CAMKK1: variants seen among roughly 807,000 people sequenced by gnomAD.
CAMKK1 encodes calcium/calmodulin dependent protein kinase kinase 1, also known as calcium/calmodulin-dependent protein kinase kinase 1.
CAMKK1 carries 20 observed loss-of-function variants against 63.5 expected under a neutral mutation model. The ratio of observed to expected loss-of-function variants is 0.32; its 90% CI spans 0.22 to 0.46. The LOEUF (loss-of-function observed/expected upper bound fraction) is 0.46, where lower values mean the gene tolerates loss of function less well. Among genes scored for constraint, CAMKK1 ranks in the 20% least tolerant of loss-of-function variants. The pLI, the probability that CAMKK1 is intolerant of heterozygous loss-of-function variation, is 1.00. For missense variants in CAMKK1, 588 were observed against 658.1 expected, an observed-to-expected ratio of 0.89 and a Z score of 1.17; for synonymous variants, 253 against 269.0, an observed-to-expected ratio of 0.94 and a Z score of 0.58.
intron 15 of CAMKK1, among the ~76,000 whole-genome samples, chr17:3,864,117 TA>T (rs1227887090): frequency 6.7e-6 from 1 of 150,084 alleles, no homozygotes; most frequent in Non-Finnish European, 1.5e-5. Context: ...CACGCCCGGC[TA>T]ATTTTTTTTT....
At position 3,890,645 on chromosome 17, in the gene CAMKK1, C is replaced by T. The variant is rs376103556; in HGVS notation, c.-44+2294G>A. 200 of 779,590 alleles carry T rather than the reference C, an allele frequency of 2.6e-4. No individual in the cohort carries two copies. Among genetic ancestry groups the T allele is most frequent in the Middle Eastern group, 1.8e-3 (8 of 4,462 alleles). 48.3% of individuals were successfully genotyped at this position (779,590 alleles called of 1,614,324 possible). ...CAATCCGGGAGCCCTCCTTGTCACT[C>T]GTCCTTTCCCTGTTGCCCACCCTTG... On this transcript the variant is annotated intron_variant, in intron 1 of 15. Transcript: ENST00000348335. The surrounding 1 kb of genome is among the most constrained non-coding windows in gnomAD (Gnocchi z 6.5).
At chr17:3,871,800 C>T (rs1028466635) in intron 12 of CAMKK1, among the ~76,000 whole-genome samples, 1 of 151,884 alleles carries the variant, frequency 6.6e-6, no homozygotes, top group Non-Finnish European at 1.5e-5. Context: ...TGTGCGCCAC[C>T]ACGCCTGGCT....
Position 3,885,440 on chromosome 17 carries a change from T to C in CAMKK1, c.248A>G (p.Tyr83Cys), listed in dbSNP as rs1247479137. The C allele has an allele frequency of 9.3e-6, 15 of 1,613,214 alleles. 1 individual carries two copies. In the South Asian group the frequency reaches 1.4e-4, roughly 15 times the overall value. Residue 83 changes from tyrosine (Y) to cysteine (C), a missense_variant, in exon 2 of 16, where the codon TAT (tyrosine) becomes TGT (cysteine). Around this residue, in one of 3 missense-constraint regions of CAMKK1, gnomAD observed 357 missense variants for 407.4 expected, o/e 0.88. Coordinates refer to ENST00000348335, the MANE Select transcript of CAMKK1 (RefSeq NM_032294.3). ...ATAAGGCCCAGCCTGCGCCTCCAGATAGCTTCCTGCTGGCCGCTCCTGTAG... is the reference window on the plus strand; with the variant it reads ...ATAAGGCCCAGCCTGCGCCTCCAGACAGCTTCCTGCTGGCCGCTCCTGTAG... ...LSLQERPAGS[Y>C]LEAQAGPYAT...
chr17:3,888,648 G>C (rs1033579851), intron 1 of CAMKK1, among the ~76,000 whole-genome samples: 1 of 152,246 alleles, frequency 6.6e-6, no homozygotes, highest in Admixed American at 6.5e-5. Context: ...TGTTGTGATT[G>C]CTCGGGACAC....
intron 2 of CAMKK1, 141 bp downstream of exon 2, chr17:3,885,187 T>G: frequency 9.9e-7 from 1 of 1,007,398 alleles, no homozygotes; most frequent in South Asian, 2.0e-5. Context: ...AGAAGCTATA[T>G]TGTTAGGTAG....
chr17:3,878,555 T>C (rs2055269404), intron 9 of CAMKK1, among the ~76,000 whole-genome samples: 1 of 152,176 alleles, frequency 6.6e-6, no homozygotes, highest in Non-Finnish European at 1.5e-5. Flanking sequence ...CCCATGCCTC[T>C]AGGCCCTTGG....
At chr17:3,881,767 G>C (rs2055420126) in intron 7 of CAMKK1, 119 bp from the exon 8 acceptor site, 2 of 880,476 alleles carry the variant, frequency 2.3e-6, no homozygotes, top group Non-Finnish European at 3.7e-6. Context: ...TCGAGGCAGG[G>C]ACAGGACAGG....
Position 3,890,690 on chromosome 17 carries a change from T to TA in CAMKK1, c.-44+2248dup. ...CCCTTGCTCCCCACAACCCCACACT[T>TA]ACTCTCCACTGCAGCCACACCACAG... is the stretch of plus-strand genomic sequence containing the variant. On this transcript the variant is annotated intron_variant, in intron 1 of 15. Coordinates refer to ENST00000348335, the MANE Select transcript of CAMKK1 (RefSeq NM_032294.3). The surrounding 1 kb of genome is among the most constrained non-coding windows in gnomAD (Gnocchi z 6.5). 1.3e-6 allele frequency: 1 copy of TA among 779,672 alleles called. No homozygotes were observed. Among genetic ancestry groups the TA allele is most frequent in the African/African-American group, 1.7e-5 (1 of 59,204 alleles). The allele number at this position is 779,672 out of a possible 1,614,324, so 48.3% of individuals were successfully genotyped here. A position where few individuals can be genotyped will look rare whatever the true frequency, so the allele number is the denominator to read the frequency against.
At chr17:3,880,201 A>G in intron 9 of CAMKK1, 145 bp downstream of exon 9, 1 of 612,804 alleles carries the variant, frequency 1.6e-6, no homozygotes, top group South Asian at 1.8e-5. Flanking sequence ...TGGCCCCGCC[A>G]CACGTGCATG....
At chr17:3,871,505 C>G (rs1401862648) in intron 12 of CAMKK1, among the ~76,000 whole-genome samples, 2 of 150,466 alleles carry the variant, frequency 1.3e-5, no homozygotes, top group African/African-American at 4.9e-5. Flanking sequence ...CAGGCACCCG[C>G]CACCACGCCC....
intron 14 of CAMKK1, among the ~76,000 whole-genome samples, chr17:3,868,071 A>C (rs62070445): frequency 0.41 from 3,644 of 8,886 alleles, 574 homozygotes; most frequent in Middle Eastern, 0.5. Flanking sequence ...AAGCAGGCGC[A>C]GTCTAACTGA....
chr17:3,866,628 G>A (rs1004545228), intron 14 of CAMKK1, among the ~76,000 whole-genome samples: 2 of 152,148 alleles, frequency 1.3e-5, no homozygotes, highest in Non-Finnish European at 2.9e-5. Context: ...CATCCATCCC[G>A]TCAACACTGG....
chr17:3,866,123 C>G, intron 14 of CAMKK1, 112 bp from the exon 15 acceptor site: 1 of 1,249,970 alleles, frequency 8.0e-7, no homozygotes, highest in Non-Finnish European at 1.1e-6. Flanking sequence ...CGGGTCCCAT[C>G]TCAATCAGCA....
chr17:3,868,073 T>A (rs1253979066), intron 14 of CAMKK1, among the ~76,000 whole-genome samples: 2 of 75,706 alleles, frequency 2.6e-5, no homozygotes, highest in Admixed American at 1.2e-4. Context: ...GCAGGCGCAG[T>A]CTAACTGATA....
At position 3,873,419 on chromosome 17, in the gene CAMKK1, A is replaced by G. The variant is rs753548837; in HGVS notation, c.1040T>C (p.Val347Ala). 35 of 1,613,966 alleles carry G rather than the reference A, an allele frequency of 2.2e-5. No individual in the cohort carries two copies. The highest frequency in any genetic ancestry group is 3.3e-4 in the Middle Eastern group (2 of 6,082). ...ATCCCTGGCACTCACCTTCCCATAG[A>G]CAAAGCAGTACAACGTGACGCCAGT... is the stretch of plus-strand genomic sequence containing the variant. Reference protein sequence around the residue: ...WATGVTLYCFVYGKCPFIDDF... With the variant: ...WATGVTLYCFAYGKCPFIDDF... Residue 347 changes from valine (V) to alanine (A), a missense_variant, in exon 11 of 16, where the codon GTC becomes GCC. Val to Ala is a moderately conservative substitution (Grantham distance 64). Around this residue, in one of 3 missense-constraint regions of CAMKK1, gnomAD observed 226 missense variants for 229.2 expected, o/e 0.99. Coordinates refer to ENST00000348335, the MANE Select transcript of CAMKK1 (RefSeq NM_032294.3).
At chr17:3,877,310 G>T (rs998118993) in intron 9 of CAMKK1, among the ~76,000 whole-genome samples, 4 of 152,160 alleles carry the variant, frequency 2.6e-5, no homozygotes, top group African/African-American at 9.7e-5. Flanking sequence ...CAAGCAGGAT[G>T]ACACAGCTGG....
Position 3,887,932 on chromosome 17 carries a change from G to A in CAMKK1, c.-43-2202C>T, listed in dbSNP as rs1265640485. ...CCGAATGTAAGTTTCATGAGATTAG[G>A]ACGCTCATCTGCCTTGTCTCCAAAA... On this transcript the variant is annotated intron_variant, in intron 1 of 15. Transcript: ENST00000348335. This position sits in a 1 kb window ranked among gnomAD's most constrained non-coding sequence, Gnocchi z 6.1. Among the ~76,000 whole-genome samples the A allele has an allele frequency of 6.6e-6, 1 of 152,184 alleles. No homozygotes were observed. The highest frequency in any genetic ancestry group is 1.9e-4 in the East Asian group (1 of 5,194).
intron 10 of CAMKK1, among the ~76,000 whole-genome samples, chr17:3,873,827 C>G (rs529103856): frequency 2.6e-5 from 4 of 152,250 alleles, no homozygotes; most frequent in Admixed American, 2.6e-4. Flanking sequence ...CTCACTAAAC[C>G]AGCTCGGGCT....
At chr17:3,880,481 C>G (rs1046387698) in intron 8 of CAMKK1, 47 bp from the exon 9 acceptor site, 1 of 1,506,460 alleles carries the variant, frequency 6.6e-7, no homozygotes, top group African/African-American at 1.4e-5. Context: ...AATCAGGGCA[C>G]CCGGCCATTC....
Sources: gnomAD v4.1 joint callset for allele counts (sites outside exome capture counted in the v4.1 genomes callset) on GRCh38, gnomAD v4.1.1 for gene constraint, gnomAD v4.1.1 regional missense constraint, Gnocchi (gnomAD v3.1) non-coding constraint, MANE v1.5 for transcripts, NCBI Gene and HGNC (gene_info 2026-07-23, HGNC 2026-07-21) for gene names.